The following HYKK variants were observed in gnomAD, a reference collection of about 807,000 sequenced individuals.
The protein encoded by HYKK is hydroxylysine kinase.
Under a neutral mutation model 29.7 loss-of-function variants are expected in HYKK, and 19 were observed. The observed-to-expected ratio is 0.64, with a 90% CI of 0.45 to 0.94. The LOEUF is 0.94. Among genes scored for constraint, HYKK ranks in the 40% least tolerant of loss-of-function variants. HYKK has a pLI of 0.00. For missense variants in HYKK, 390 were observed against 443.4 expected (o/e 0.88, Z 1.08); for synonymous variants, 152 against 158.1 (o/e 0.96, Z 0.29).
At chr15:78,509,203 AAAG>A (rs1308787227) in intron 1 of HYKK, among the ~76,000 whole-genome samples, 1 of 152,218 alleles carries the variant, frequency 6.6e-6, no homozygotes, top group Non-Finnish European at 1.5e-5. Context: ...TATAAAGAAA[AAAG>A]GCGAACTTAA....
At chr15:78,514,027 A>T (rs559060872) in intron 2 of HYKK, among the ~76,000 whole-genome samples, 3 of 151,904 alleles carry the variant, frequency 2.0e-5, no homozygotes, top group Non-Finnish European at 4.4e-5. Context: ...CCTGGCCTCA[A>T]GTGATCTGCC....
chr15:78,525,687 C>G (rs1478764695), intron 3 of HYKK, among the ~76,000 whole-genome samples: 1 of 151,264 alleles, frequency 6.6e-6, no homozygotes, highest in Non-Finnish European at 1.5e-5. Context: ...TTAGTAGAGA[C>G]AGGGTTTCAC....
chr15:78,517,861 C>T lies in HYKK; in HGVS notation c.477+2754C>T, dbSNP rs118161405. ...GGTAGGAACAGGCACTCTTCCTGGC[C>T]CTGTGCGTGCCATGTACTCTTCCCT... is the stretch of plus-strand genomic sequence containing the variant. On this transcript the variant is annotated intron_variant, in intron 3 of 4. Transcript: ENST00000388988. 7.9e-4 allele frequency among the ~76,000 whole-genome samples: 121 copies of T among 152,222 alleles called. 1 individual carries two copies. The highest frequency in any genetic ancestry group is 1.4e-3 in the Non-Finnish European group (96 of 68,014).
At chr15:78,516,122 A>G (rs1332810356) in intron 3 of HYKK, among the ~76,000 whole-genome samples, 1 of 152,150 alleles carries the variant, frequency 6.6e-6, no homozygotes, top group African/African-American at 2.4e-5. Flanking sequence ...TTTTTGCCCT[A>G]TAGAAACAAT....
At chr15:78,508,036 C>T (rs1371689191) in intron 1 of HYKK, among the ~76,000 whole-genome samples, 1 of 152,200 alleles carries the variant, frequency 6.6e-6, no homozygotes, top group African/African-American at 2.4e-5. Flanking sequence ...CTTACTCATG[C>T]GCCCTCCTCC....
intron 3 of HYKK, among the ~76,000 whole-genome samples, chr15:78,518,100 G>C (rs2052154948): frequency 6.6e-6 from 1 of 152,200 alleles, no homozygotes; most frequent in African/African-American, 2.4e-5. Flanking sequence ...TCAACTCAGA[G>C]AGTCCTCTGG....
intron 4 of HYKK, among the ~76,000 whole-genome samples, chr15:78,530,302 G>A (rs1488551284): frequency 1.3e-5 from 2 of 151,670 alleles, no homozygotes; most frequent in Non-Finnish European, 2.9e-5. Flanking sequence ...CTGGGTTTAA[G>A]AGATTCTCCT....
At chr15:78,510,649 A>G (rs1191031556) in intron 1 of HYKK, among the ~76,000 whole-genome samples, 2 of 152,216 alleles carry the variant, frequency 1.3e-5, no homozygotes, top group Non-Finnish European at 2.9e-5. Context: ...AGCCAAATAA[A>G]TTAGGCATTA....
At chr15:78,523,813 C>T (rs2052222487) in intron 3 of HYKK, among the ~76,000 whole-genome samples, 1 of 152,256 alleles carries the variant, frequency 6.6e-6, no homozygotes, top group South Asian at 2.1e-4. Context: ...GTCCAAAACC[C>T]AGCAGGGCAG....
At chr15:78,525,447 T>TGC (rs2052242021) in intron 3 of HYKK, among the ~76,000 whole-genome samples, 1 of 149,130 alleles carries the variant, frequency 6.7e-6, no homozygotes, top group Non-Finnish European at 1.5e-5. Flanking sequence ...TGAGCCACCA[T>TGC]GCCCAGCCTA....
At chr15:78,518,346 G>T (rs1267484355) in intron 3 of HYKK, among the ~76,000 whole-genome samples, 2 of 151,962 alleles carry the variant, frequency 1.3e-5, no homozygotes, top group African/African-American at 4.8e-5. Context: ...CTAATTTTTT[G>T]GTATTTGTAG....
chr15:78,514,152 G>C (rs1423195839), intron 2 of HYKK, among the ~76,000 whole-genome samples: 1 of 151,630 alleles, frequency 6.6e-6, no homozygotes, highest in Non-Finnish European at 1.5e-5. Context: ...ATTTAGAGAA[G>C]CTATAAATTC....
intron 3 of HYKK, among the ~76,000 whole-genome samples, chr15:78,523,681 C>A (rs921610342): frequency 6.6e-6 from 1 of 152,170 alleles, no homozygotes; most frequent in African/African-American, 2.4e-5. Flanking sequence ...TGCCTATGAG[C>A]CTATAACATC....
intron 2 of HYKK, among the ~76,000 whole-genome samples, chr15:78,514,153 C>G (rs2052103471): frequency 6.6e-6 from 1 of 151,514 alleles, no homozygotes. Flanking sequence ...TTTAGAGAAG[C>G]TATAAATTCT....
chr15:78,527,847 C>G (rs570776151), intron 4 of HYKK: 1 of 705,326 alleles, frequency 1.4e-6, no homozygotes, highest in African/African-American at 1.9e-5. Flanking sequence ...GTTTTTCAAA[C>G]TTTATATCAA....
intron 4 of HYKK, chr15:78,528,630 C>G: frequency 3.8e-6 from 2 of 523,220 alleles, no homozygotes; most frequent in Non-Finnish European, 4.9e-6. Flanking sequence ...TGGTGAAACC[C>G]TGTTTCTAAT....
At chr15:78,522,604 C>T (rs1317114977) in intron 3 of HYKK, among the ~76,000 whole-genome samples, 5 of 144,074 alleles carry the variant, frequency 3.5e-5, no homozygotes, top group Admixed American at 7.0e-5. Flanking sequence ...AAGCTGGGTG[C>T]GGTGGCTCAC....
rs747235383 is a variant in HYKK at position 78,533,598 on chromosome 15, C to T, written c.1050C>T (p.Asp350=). ...GGAAACACTTACAGCAAATGTTTGA[C>T]ATGGGTCAGAAAGCTGTAGAAGAAA... ...TGWKHLQQMF[D]MGQKAVEEIW... Residue 350 remains aspartate, a synonymous_variant, in exon 5 of 5, where the codon GAC becomes GAT. Transcript: ENST00000388988. 16 of 1,614,082 alleles carry T rather than the reference C, an allele frequency of 9.9e-6. No homozygotes were observed. The highest frequency in any genetic ancestry group is 8.8e-5 in the South Asian group (8 of 91,090).
At chr15:78,529,745 T>C (rs888694536) in intron 4 of HYKK, among the ~76,000 whole-genome samples, 1 of 152,246 alleles carries the variant, frequency 6.6e-6, no homozygotes. Context: ...CTAAATATAT[T>C]CTGGATATGA....
Sources: gnomAD v4.1 joint callset for allele counts (sites outside exome capture counted in the v4.1 genomes callset) on GRCh38, gnomAD v4.1.1 for gene constraint, MANE v1.5 for transcripts, NCBI Gene and HGNC (gene_info 2026-07-23, HGNC 2026-07-21) for gene names.